HHIP: variants seen among roughly 807,000 people sequenced by gnomAD.
HHIP encodes the protein hedgehog interacting protein.
Under a neutral mutation model 74.0 loss-of-function variants are expected in HHIP, and 12 were observed. That is an observed-to-expected ratio of 0.16 (90% CI 0.10 to 0.26). The LOEUF is 0.26. HHIP is among the 10% of genes least tolerant of loss of function. HHIP has a pLI of 1.00. For synonymous variants in HHIP, 309 were observed against 311.6 expected (o/e 0.99, Z 0.09); for missense variants, 788 against 845.0 (o/e 0.93, Z 0.84).
chr4:144,646,981 C>A, intron 1 of HHIP, 27 bp downstream of exon 1: 2 of 1,557,424 alleles, frequency 1.3e-6, no homozygotes, highest in Non-Finnish European at 1.7e-6. Flanking sequence ...TTCACGGATG[C>A]GTACTTGGCA....
chr4:144,690,462 G>A (rs2126633541), intron 4 of HHIP, among the ~76,000 whole-genome samples: 1 of 152,310 alleles, frequency 6.6e-6, no homozygotes, highest in East Asian at 1.9e-4. Flanking sequence ...AAGTGCTGGA[G>A]CTGGTCTTAA....
intron 11 of HHIP, among the ~76,000 whole-genome samples, chr4:144,731,530 C>T (rs1730954415): frequency 6.6e-6 from 1 of 152,094 alleles, no homozygotes; most frequent in African/African-American, 2.4e-5. Context: ...AGCAATTCTC[C>T]TGCCTCAGCC....
At chr4:144,676,140 G>A (rs1729162940) in intron 4 of HHIP, among the ~76,000 whole-genome samples, 1 of 152,140 alleles carries the variant, frequency 6.6e-6, no homozygotes. Context: ...TTTAAATGAT[G>A]GGGAAAATAT....
chr4:144,699,597 A>T (rs1395249786), intron 4 of HHIP, among the ~76,000 whole-genome samples: 1 of 152,150 alleles, frequency 6.6e-6, no homozygotes, highest in East Asian at 1.9e-4. Context: ...CCCATCTTGA[A>T]GTTATCTAAA....
chr4:144,688,365 G>T (rs1234365010), intron 4 of HHIP, among the ~76,000 whole-genome samples: 6 of 152,120 alleles, frequency 3.9e-5, no homozygotes, highest in Non-Finnish European at 1.5e-5. Context: ...AGCGGTGCTG[G>T]TGCTTCTATA....
intron 11 of HHIP, among the ~76,000 whole-genome samples, 183 bp downstream of exon 11, chr4:144,719,139 C>T (rs1335872923): frequency 2.0e-5 from 3 of 152,188 alleles, no homozygotes; most frequent in Non-Finnish European, 4.4e-5. Flanking sequence ...ACTGATGCCA[C>T]TATGCAGAAC....
intron 2 of HHIP, among the ~76,000 whole-genome samples, chr4:144,658,381 A>AT (rs1472384352): frequency 1.4e-5 from 2 of 139,098 alleles, no homozygotes; most frequent in East Asian, 2.2e-4. Context: ...TTATTTATTT[A>AT]TTTTTTCAGA....
Position 144,659,709 on chromosome 4 carries a change from T to A in HHIP, c.702T>A (p.His234Gln). Residue 234 changes from histidine to glutamine, a missense_variant, in exon 4 of 13, where the codon CAT becomes CAA. This residue lies in a region of HHIP where 373 missense variants were observed against 366.4 expected (regional missense o/e 1.02). Transcript: ENST00000296575. Reference protein sequence around the residue: ...SGLRQPVGALHSGDGSQRLFI... With the variant: ...SGLRQPVGALQSGDGSQRLFI... Reference sequence around the variant, plus strand: ...TGCGGCAGCCCGTTGGTGCCCTGCATAGTGGGGATGGCTCGCAACGTCTCT... The same window carrying A: ...TGCGGCAGCCCGTTGGTGCCCTGCAAAGTGGGGATGGCTCGCAACGTCTCT... 1 of 1,608,336 alleles carries A rather than the reference T, an allele frequency of 6.2e-7. No individual in the cohort carries two copies. The highest frequency in any genetic ancestry group is 8.5e-7 in the Non-Finnish European group (1 of 1,178,056).
At chr4:144,660,021 T>A in intron 4 of HHIP, 183 bp downstream of exon 4, 1 of 592,880 alleles carries the variant, frequency 1.7e-6, no homozygotes, top group Non-Finnish European at 3.0e-6. Flanking sequence ...AAATTTCTGT[T>A]ATTTGTTGAC....
At chr4:144,713,033 A>G (rs1303425259) in intron 8 of HHIP, among the ~76,000 whole-genome samples, 1 of 152,058 alleles carries the variant, frequency 6.6e-6, no homozygotes, top group African/African-American at 2.4e-5. Context: ...TTCTACAGTC[A>G]CATTAATTGA....
At position 144,738,238 on chromosome 4, in the gene HHIP, C is replaced by T. The variant is rs1218178767; in HGVS notation, c.*281C>T. On this transcript the variant is annotated 3_prime_UTR_variant, in exon 13 of 13. Coordinates refer to ENST00000296575, the MANE Select transcript of HHIP (RefSeq NM_022475.3). ...TGCAAAGTAATTTACACAGAAATTC[C>T]ATTGTAAATTGATAATGGATTTTTT... 4.9e-6 allele frequency: 5 copies of T among 1,017,734 alleles called. No individual in the cohort carries two copies. The highest frequency in any genetic ancestry group is 3.4e-5 in the African/African-American group (2 of 58,700). 63.0% of individuals were successfully genotyped at this position (1,017,734 alleles called of 1,614,324 possible).
At chr4:144,665,498 T>C (rs995434344) in intron 4 of HHIP, among the ~76,000 whole-genome samples, 1 of 152,222 alleles carries the variant, frequency 6.6e-6, no homozygotes, top group Admixed American at 6.5e-5. Context: ...AAAAATGTCA[T>C]TTTCAATTTT....
At chr4:144,677,346 T>G (rs1451101602) in intron 4 of HHIP, among the ~76,000 whole-genome samples, 1 of 152,226 alleles carries the variant, frequency 6.6e-6, no homozygotes, top group Non-Finnish European at 1.5e-5. Context: ...CGTGTTGGCT[T>G]CATTTTTTCG....
intron 4 of HHIP, among the ~76,000 whole-genome samples, chr4:144,703,680 A>T (rs1046557158): frequency 6.6e-6 from 1 of 152,154 alleles, no homozygotes; most frequent in Non-Finnish European, 1.5e-5. Context: ...GGACTAAGAT[A>T]ATAGAAGGAA....
chr4:144,692,206 G>A (rs1035864668), intron 4 of HHIP, among the ~76,000 whole-genome samples: 1 of 151,970 alleles, frequency 6.6e-6, no homozygotes, highest in African/African-American at 2.4e-5. Context: ...AAAAAAAGCT[G>A]AAGCTCAGGG....
intron 4 of HHIP, among the ~76,000 whole-genome samples, chr4:144,683,871 C>A (rs1347558001): frequency 1.3e-5 from 2 of 151,840 alleles, no homozygotes; most frequent in Non-Finnish European, 2.9e-5. Context: ...TTTGGATGGT[C>A]AATTAGTGAT....
At chr4:144,734,600 AAT>A (rs1222821532) in intron 11 of HHIP, 139 bp from the exon 12 acceptor site, 1 of 556,460 alleles carries the variant, frequency 1.8e-6, no homozygotes, top group African/African-American at 1.9e-5. Context: ...GAAAGTTGTA[AAT>A]CTGACTGAGT....
chr4:144,665,417 C>T (rs1051190220), intron 4 of HHIP, among the ~76,000 whole-genome samples: 1 of 152,172 alleles, frequency 6.6e-6, no homozygotes, highest in Non-Finnish European at 1.5e-5. Flanking sequence ...AATGGCATGG[C>T]TTTTAATCCA....
chr4:144,704,851 T>C (rs984036926), intron 4 of HHIP, among the ~76,000 whole-genome samples: 1 of 152,202 alleles, frequency 6.6e-6, no homozygotes, highest in Admixed American at 6.5e-5. Context: ...TACTTACATA[T>C]CCTAGCTTCC....
Sources: allele counts gnomAD v4.1 joint callset (sites outside exome capture counted in the v4.1 genomes callset), GRCh38; gene constraint gnomAD v4.1.1; regional missense constraint gnomAD v4.1.1; transcripts MANE v1.5; gene names NCBI Gene and HGNC (gene_info 2026-07-23, HGNC 2026-07-21).